The following TTN variants were observed in gnomAD, a reference collection of about 807,000 sequenced individuals.
TTN encodes the protein titin, also known as connectin.
TTN carries 1,525 observed loss-of-function variants against 3,223.0 expected under a neutral mutation model. The observed-to-expected ratio is 0.47, with a 90% CI of 0.45 to 0.49. The LOEUF is 0.49. Ranked by LOEUF, TTN falls within the 20% of genes least tolerant of loss-of-function variation. The probability of loss-of-function intolerance (pLI) is 0.00; values close to 1 mark genes in which losing one functional copy is unlikely to be tolerated. For synonymous variants in TTN, 14,094 were observed against 15,161.0 expected (o/e 0.93, Z 5.17); for missense variants, 40,786 against 43,424.0 (o/e 0.94, Z 5.40).
At chr2:178,751,815 C>T in intron 47 of TTN, 1 of 1,612,942 alleles carries the variant, frequency 6.2e-7, no homozygotes, top group Non-Finnish European at 8.5e-7. Flanking sequence ...GTTGGACAGG[C>T]AATTAATCTA....
At chr2:178,615,004 G>T in intron 259 of TTN, 36 bp from the exon 260 acceptor site, 1 of 1,537,554 alleles carries the variant, frequency 6.5e-7, no homozygotes, top group Non-Finnish European at 8.9e-7. Flanking sequence ...TTACTGTGAT[G>T]TCGATAATCG....
At chr2:178,786,633 G>C (rs879721077) in intron 13 of TTN, among the ~76,000 whole-genome samples, 1 of 152,156 alleles carries the variant, frequency 6.6e-6, no homozygotes, top group Admixed American at 6.5e-5. Flanking sequence ...TTATATGGTT[G>C]CATGCAAATC....
intron 29 of TTN, 99 bp from the exon 30 acceptor site, chr2:178,774,572 T>C: frequency 9.2e-7 from 1 of 1,089,048 alleles, no homozygotes; most frequent in Non-Finnish European, 1.3e-6. Context: ...ATCTCCCCCA[T>C]ACTATCAGGT....
In TTN at chr2:178,757,773, T is replaced by G; in HGVS notation, c.10447A>C (p.Arg3483=). ...SLRVHNGETV[R]FHARVSGIPK... ...ATGCCAGAAACCCTCGCATGAAATC[T>G]GACTGTCTCCCCGTTGTGCACCCTG... Residue 3483 remains arginine, a synonymous_variant, in exon 45 of 363, where the codon AGA becomes CGA. Transcript: ENST00000589042. 6.2e-7 allele frequency: 1 copy of G among 1,613,782 alleles called. No individual in the cohort carries two copies. Among genetic ancestry groups the G allele is most frequent in the Non-Finnish European group, 8.5e-7 (1 of 1,179,722 alleles).
At position 178,712,612 on chromosome 2, in the gene TTN, A is replaced by C. The variant is rs1177152807; in HGVS notation, c.27329-19T>G. ...GCTGGGGCTAAAGTGACCAAATTGA[A>C]AATATAAAATCAAACACATATACAT... On this transcript the variant is annotated intron_variant, in intron 94 of 362. Coordinates refer to ENST00000589042, the MANE Select transcript of TTN (RefSeq NM_001267550.2). 7 of 1,607,206 alleles carry C rather than the reference A, an allele frequency of 4.4e-6. No individual in the cohort carries two copies. Among genetic ancestry groups the C allele is most frequent in the Middle Eastern group, 1.7e-4 (1 of 6,016 alleles).
At position 178,567,882 on chromosome 2, in the gene TTN, C is replaced by T; in HGVS notation, c.78250G>A (p.Val26084Ile). ...GKASKNSECYVARDPCDPPGT... is the reference protein window; with the variant it reads ...GKASKNSECYIARDPCDPPGT... ...GGTGGGTCACAGGGATCTCTGGCTA[C>T]ATAGCATTCAGAATTCTTGCTTGCT... The change falls in exon 326 of 363, where the codon GTA (valine) becomes ATA (isoleucine). Residue 26084 changes from valine to isoleucine, a missense_variant. Physicochemically the swap from Val to Ile is conservative, Grantham distance 29. Coordinates refer to ENST00000589042, the MANE Select transcript of TTN (RefSeq NM_001267550.2). 1.2e-6 allele frequency: 2 copies of T among 1,613,542 alleles called. No individual in the cohort carries two copies. Among genetic ancestry groups the T allele is most frequent in the East Asian group, 4.5e-5 (2 of 44,846 alleles).
rs1205699868 is a variant in TTN, at chr2:178,625,310, T to C, written c.44511A>G (p.Ala14837=). The part of the protein sequence containing the change: ...LEDAGEVQLT[A]KDFKTHANLF... ...GGTTGGCGTGAGTTTTGAAATCTTT[T>C]GCTGTTAGTTGGACTTCCCCAGCAT... Residue 14837 remains alanine, a synonymous_variant, in exon 241 of 363, where the codon GCA becomes GCG. Coordinates refer to ENST00000589042, the MANE Select transcript of TTN (RefSeq NM_001267550.2). 5 of 1,608,316 alleles carry C rather than the reference T, an allele frequency of 3.1e-6. No individual in the cohort carries two copies. Among genetic ancestry groups the C allele is most frequent in the Non-Finnish European group, 4.2e-6 (5 of 1,177,338 alleles).
rs374492812 is a variant in TTN, at chr2:178,578,869, C to T, written c.68161G>A (p.Glu22721Lys). The change falls in exon 320 of 363, where the codon GAA becomes AAA. Residue 22721 changes from glutamate (E) to lysine (K), a missense_variant. Glu to Lys is a moderately conservative substitution (Grantham distance 56, BLOSUM62 1). Transcript: ENST00000589042. The part of the protein sequence containing the change: ...GMEYTFRVSA[E>K]NKYGVGEGLK... ...CCTTCCCCTACACCATATTTATTTT[C>T]GGCACTGACCCTGAAGGTATATTCC... The T allele has an allele frequency of 1.0e-4, 167 of 1,613,142 alleles. No individual in the cohort carries two copies. The highest frequency in any genetic ancestry group is 2.1e-4 in the African/African-American group (16 of 74,972).
chr2:178,539,361 T>A, intron 352 of TTN, 21 bp downstream of exon 352: 1 of 1,603,470 alleles, frequency 6.2e-7, no homozygotes, highest in East Asian at 2.2e-5. Context: ...TTTATAATTT[T>A]GTGGTTGAAA....
chr2:178,534,077 T>C lies in TTN; in HGVS notation c.102538A>G (p.Ser34180Gly). Reference protein sequence around the residue: ...WYFGVRQLENSEKYEITYEDG... With the variant: ...WYFGVRQLENGEKYEITYEDG... ...TCGTAGGTGATTTCGTATTTCTCAC[T>C]GTTCTCCAGCTGTCGGACGCCAAAG... Residue 34180 changes from serine to glycine, a missense_variant, in exon 358 of 363, where the codon AGT (serine) becomes GGT (glycine). Coordinates refer to ENST00000589042, the MANE Select transcript of TTN (RefSeq NM_001267550.2). 1.2e-6 allele frequency: 2 copies of C among 1,614,000 alleles called. No homozygotes were observed.
chr2:178,748,366 G>A lies in TTN; in HGVS notation c.11311+4758C>T, dbSNP rs528405503. The stretch of plus-strand genomic sequence containing the variant: ...TAGTTCTATTTGAAAGCTCTTGACT[G>A]GAAGAAATTTCTTGACTGGCAAATA... On this transcript the variant is annotated intron_variant, in intron 47 of 362. Coordinates refer to ENST00000589042, the MANE Select transcript of TTN (RefSeq NM_001267550.2). The A allele has an allele frequency of 6.8e-6, 11 of 1,613,052 alleles. No individual in the cohort carries two copies. In the South Asian group the frequency reaches 8.8e-5, roughly 13 times the overall value.
rs779780484 is a variant in TTN at position 178,528,891 on chromosome 2, TTCGTTTATGC to T, written c.106850_106859del (p.Ser35617LysfsTer7). 6.2e-7 allele frequency: 1 copy of T among 1,614,030 alleles called. No homozygotes were observed. The highest frequency in any genetic ancestry group is 8.5e-7 in the Non-Finnish European group (1 of 1,179,876). On this transcript the variant is annotated frameshift_variant, in exon 360 of 363. Transcript: ENST00000589042. LOFTEE classifies it high-confidence loss of function. ...TGGCTTTTAAAACCAGTCTTTGACCTTCGTTTATGCTCATCTGAGTAGAAAATGCTTTAAT... is the reference window on the plus strand; with the variant it reads ...TGGCTTTTAAAACCAGTCTTTGACCTTCATCTGAGTAGAAAATGCTTTAAT...
chr2:178,746,802 G>A lies in TTN; in HGVS notation c.11312-4881C>T, dbSNP rs751064055. ...CCTTCAACTTCAACAATGAAGCCTA[G>A]TGTTGTGTTTTCATATACCTTCCTT... On this transcript the variant is annotated intron_variant, in intron 47 of 362. Transcript: ENST00000589042. 1.9e-6 allele frequency: 3 copies of A among 1,613,406 alleles called. No individual in the cohort carries two copies. The South Asian group carries it at 3.3e-5, about 18-fold the overall frequency.
chr2:178,619,416 G>T, intron 250 of TTN: 1 of 613,246 alleles, frequency 1.6e-6, no homozygotes, highest in Admixed American at 3.2e-5. Context: ...ACTGTCCAAG[G>T]CTCTGGCATG....
At position 178,550,216 on chromosome 2, in the gene TTN, C is replaced by T; in HGVS notation, c.91622G>A (p.Gly30541Glu). 3 of 1,613,586 alleles carry T rather than the reference C, an allele frequency of 1.9e-6. No individual in the cohort carries two copies. Among genetic ancestry groups the T allele is most frequent in the Non-Finnish European group, 2.5e-6 (3 of 1,179,678 alleles). Reference protein sequence around the residue: ...EYFDGLIIKSGESLRIKALVQ... With the variant: ...EYFDGLIIKSEESLRIKALVQ... ...CAAAGCTTTAATTCTAAGGCTCTCT[C>T]CGGACTTAATAATGAGACCATCAAA... is the stretch of plus-strand genomic sequence containing the variant. The change falls in exon 337 of 363, where the codon GGA (glycine) becomes GAA (glutamate). Residue 30541 changes from glycine to glutamate, a missense_variant. Coordinates refer to ENST00000589042, the MANE Select transcript of TTN (RefSeq NM_001267550.2).
rs758509448 is a variant in TTN at position 178,590,081 on chromosome 2, G to A, written c.61644C>T (p.Ile20548=). Residue 20548 remains isoleucine, a synonymous_variant, in exon 304 of 363, where the codon ATC becomes ATT. Transcript: ENST00000589042. ...GTCCACTGCTGTTCTTAGCTGAGAT[G>A]ATATACTTGCCATGATCAGCTCTAA... is the stretch of plus-strand genomic sequence containing the variant. ...EAVRADHGKY[I]ISAKNSSGHA... 6.2e-7 allele frequency: 1 copy of A among 1,613,202 alleles called. No homozygotes were observed. The highest frequency in any genetic ancestry group is 8.5e-7 in the Non-Finnish European group (1 of 1,179,488).
At chr2:178,593,133 T>C (rs1323749249) in intron 299 of TTN, 40 bp downstream of exon 299, 6 of 1,609,972 alleles carry the variant, frequency 3.7e-6, no homozygotes, top group Admixed American at 1.7e-5. Context: ...AAAACAAAGT[T>C]AGATAACATG....
At position 178,531,387 on chromosome 2, in the gene TTN, C is replaced by T. The variant is rs55938627; in HGVS notation, c.105228G>A (p.Ser35076=). Residue 35076 remains serine (S), a synonymous_variant, in exon 358 of 363, where the codon TCG becomes TCA. Coordinates refer to ENST00000589042, the MANE Select transcript of TTN (RefSeq NM_001267550.2). ...GTGATTTCACTTCCCTGACAGAAGACGAAGCTTCCATCTCAGATGTTTTCT... is the reference window on the plus strand; with the variant it reads ...GTGATTTCACTTCCCTGACAGAAGATGAAGCTTCCATCTCAGATGTTTTCT... ...SFKKTSEMEA[S]SSVREVKSQM... 1,282 of 1,614,020 alleles carry T rather than the reference C, an allele frequency of 7.9e-4. 9 individuals carry two copies. In the Middle Eastern group the frequency reaches 0.019, roughly 24 times the overall value.
In TTN at chr2:178,610,225, C is replaced by T; in HGVS notation, c.51301G>A (p.Glu17101Lys). The T allele has an allele frequency of 6.2e-7, 1 of 1,613,052 alleles. No homozygotes were observed. The highest frequency in any genetic ancestry group is 1.1e-5 in the South Asian group (1 of 91,060). Residue 17101 changes from glutamate (E) to lysine (K), a missense_variant, in exon 271 of 363, where the codon GAG becomes AAG. By Grantham distance (56) the Glu-to-Lys change is moderately conservative. Coordinates refer to ENST00000589042, the MANE Select transcript of TTN (RefSeq NM_001267550.2). ...RRTYIPVMSG[E>K]NKLSWTVKDL... is the part of the protein sequence containing the mutation. The stretch of plus-strand genomic sequence containing the variant: ...TTCACAGTCCATGACAGTTTGTTCT[C>T]ACCAGACATGACTGGTATATATGTT...
Sources: allele counts gnomAD v4.1 joint callset (sites outside exome capture counted in the v4.1 genomes callset), GRCh38; gene constraint gnomAD v4.1.1; transcripts MANE v1.5; gene names NCBI Gene and HGNC (gene_info 2026-07-23, HGNC 2026-07-21).